MAPK10: variants seen among roughly 807,000 people sequenced by gnomAD.
The protein encoded by MAPK10 is JNK3 alpha protein kinase.
A neutral mutation model predicts 59.3 loss-of-function variants in MAPK10; 25 were observed. The ratio of observed to expected loss-of-function variants is 0.42; its 90% CI spans 0.31 to 0.59. The LOEUF (loss-of-function observed/expected upper bound fraction) is 0.59, where lower values mean the gene tolerates loss of function less well. Among genes scored for constraint, MAPK10 ranks in the 20% least tolerant of loss-of-function variants. The probability of loss-of-function intolerance (pLI) is 0.15; values close to 1 mark genes in which losing one functional copy is unlikely to be tolerated. For missense variants in MAPK10, 351 were observed against 568.9 expected, an observed-to-expected ratio of 0.62 and a Z score of 3.90; for synonymous variants, 190 against 200.5, an observed-to-expected ratio of 0.95 and a Z score of 0.44.
At chr4:86,204,532 A>G (rs1371495588) in intron 2 of MAPK10, among the ~76,000 whole-genome samples, 1 of 152,018 alleles carries the variant, frequency 6.6e-6, no homozygotes, top group Non-Finnish European at 1.5e-5. Flanking sequence ...ATAATGATCC[A>G]GTAATATGGG....
intron 2 of MAPK10, among the ~76,000 whole-genome samples, chr4:86,207,539 T>C (rs2084435696): frequency 6.6e-6 from 1 of 152,158 alleles, no homozygotes; most frequent in Admixed American, 6.6e-5. Flanking sequence ...GGCTCTTTTT[T>C]GGTTCCATAT....
upstream of MAPK10, among the ~76,000 whole-genome samples, chr4:86,453,614 C>T (rs1564894985): frequency 7.2e-6 from 1 of 139,496 alleles, no homozygotes; most frequent in Non-Finnish European, 1.5e-5. Context: ...GCAAGACCCA[C>T]CCAAGTAGAG....
intron 2 of MAPK10, among the ~76,000 whole-genome samples, chr4:86,336,160 T>C (rs1232661793): frequency 6.6e-6 from 1 of 152,162 alleles, no homozygotes; most frequent in Non-Finnish European, 1.5e-5. Context: ...AACTAGAACA[T>C]GAAATTACTC....
At chr4:86,047,671 C>T (rs796704170) in intron 11 of MAPK10, among the ~76,000 whole-genome samples, 1 of 152,088 alleles carries the variant, frequency 6.6e-6, no homozygotes, top group Non-Finnish European at 1.5e-5. Flanking sequence ...CACTTGTACA[C>T]GCATGCTGGG....
chr4:86,476,227 C>T (rs569003126), intron 1 of MAPK10, among the ~76,000 whole-genome samples: 4 of 152,134 alleles, frequency 2.6e-5, no homozygotes, highest in South Asian at 4.1e-4. Context: ...GACCTCTCTG[C>T]TCCTCACCAG....
At chr4:86,316,198 G>T (rs2095784658) in intron 2 of MAPK10, among the ~76,000 whole-genome samples, 1 of 152,106 alleles carries the variant, frequency 6.6e-6, no homozygotes, top group African/African-American at 2.4e-5. Context: ...GATAGCAAAT[G>T]GAAGTATATT....
chr4:86,573,557 A>T (rs191237728), intron 1 of MAPK10, among the ~76,000 whole-genome samples: 11 of 152,258 alleles, frequency 7.2e-5, no homozygotes, highest in Non-Finnish European at 1.2e-4. Flanking sequence ...TTTTAAAATC[A>T]TTTTGCTTAT....
intron 2 of MAPK10, among the ~76,000 whole-genome samples, chr4:86,247,809 G>A (rs1002469740): frequency 1.3e-5 from 2 of 152,134 alleles, no homozygotes; most frequent in Non-Finnish European, 2.9e-5. Context: ...GGCATTCTAG[G>A]GACTGGGAAA....
intron 1 of MAPK10, among the ~76,000 whole-genome samples, chr4:86,355,219 T>C (rs1733784943): frequency 6.6e-6 from 1 of 152,166 alleles, no homozygotes; most frequent in African/African-American, 2.4e-5. Context: ...TGTGGCAGTC[T>C]GCAACATTCT....
At chr4:86,552,518 G>GAAGGA (rs1759925330) in intron 1 of MAPK10, among the ~76,000 whole-genome samples, 1 of 127,608 alleles carries the variant, frequency 7.8e-6, no homozygotes, top group Non-Finnish European at 1.7e-5. Flanking sequence ...AGGAAGGAAG[G>GAAGGA]AAGGAAGGAA....
At chr4:86,526,517 A>G (rs1476632532) in intron 1 of MAPK10, among the ~76,000 whole-genome samples, 2 of 152,116 alleles carry the variant, frequency 1.3e-5, no homozygotes, top group Non-Finnish European at 2.9e-5. Flanking sequence ...CATCCTTTCA[A>G]AGAGGCAACT....
rs114630021 is a variant in MAPK10 at position 86,386,735 on chromosome 4, A to C, written c.-121-32091T>G. On this transcript the variant is annotated intron_variant, in intron 1 of 13. Coordinates refer to the MAPK10 transcript ENST00000361569. ...TGAGCAACTGTAGAGATTAACACAA[A>C]AGGCTGATTCTACAAATTTAAGTTC... Among the ~76,000 whole-genome samples the C allele has an allele frequency of 6.4e-3, 974 of 152,274 alleles. 7 individuals are homozygous for C. The highest frequency in any genetic ancestry group is 0.021 in the African/African-American group (873 of 41,564).
At chr4:86,343,717 GT>G (rs142358086) in intron 2 of MAPK10, among the ~76,000 whole-genome samples, 2,417 of 152,216 alleles carry the variant, frequency 0.016, 75 homozygotes, top group African/African-American at 0.056. Context: ...GTATATGGCA[GT>G]CTTCCAAAGG....
At chr4:86,362,356 G>A (rs1160622827), upstream of MAPK10, among the ~76,000 whole-genome samples, 1 of 150,812 alleles carries the variant, frequency 6.6e-6, no homozygotes, top group Non-Finnish European at 1.5e-5. Flanking sequence ...TTTTTTTAAA[G>A]ATGGCTTTCT....
At chr4:86,478,643 A>G (rs1356907987) in intron 1 of MAPK10, among the ~76,000 whole-genome samples, 2 of 152,116 alleles carry the variant, frequency 1.3e-5, no homozygotes, top group Non-Finnish European at 2.9e-5. Flanking sequence ...CTGGACTTCA[A>G]TCCGGCCTCC....
chr4:86,059,028 C>G (rs1000733078), intron 11 of MAPK10, among the ~76,000 whole-genome samples: 6 of 152,198 alleles, frequency 3.9e-5, no homozygotes, highest in Admixed American at 3.9e-4. Flanking sequence ...CTATAATTAT[C>G]TCTAAGTTCC....
chr4:86,372,192 C>T (rs571301482), intron 1 of MAPK10, among the ~76,000 whole-genome samples: 1 of 152,192 alleles, frequency 6.6e-6, no homozygotes, highest in East Asian at 1.9e-4. Context: ...TCTCTCAGAC[C>T]ACAGTGCAAT....
intron 1 of MAPK10, among the ~76,000 whole-genome samples, chr4:86,452,535 A>G (rs1208220185): frequency 1.3e-5 from 2 of 152,096 alleles, no homozygotes; most frequent in African/African-American, 4.8e-5. Flanking sequence ...ACACACACAC[A>G]CACACGCAAG....
At chr4:86,477,470 C>T (rs1393967926) in intron 1 of MAPK10, among the ~76,000 whole-genome samples, 1 of 152,088 alleles carries the variant, frequency 6.6e-6, no homozygotes, top group Non-Finnish European at 1.5e-5. Context: ...ATCTCCCCAC[C>T]TTAACCCACA....
Sources: allele counts gnomAD v4.1 joint callset (sites outside exome capture counted in the v4.1 genomes callset), GRCh38; gene constraint gnomAD v4.1.1; transcripts MANE v1.5; gene names NCBI Gene and HGNC (gene_info 2026-07-23, HGNC 2026-07-21).